MTMR8: variants seen among roughly 807,000 people sequenced by gnomAD.
MTMR8 encodes the protein myotubularin related protein 8, also known as phosphatidylinositol-3,5-bisphosphate 3-phosphatase MTMR8.
In MTMR8, 65 loss-of-function variants were observed where a neutral mutation model predicts 39.3. The observed-to-expected ratio is 1.65, with a 90% CI of 1.35 to 2.03. MTMR8 has a LOEUF of 2.03. Ranked by LOEUF, MTMR8 falls within the 30% of genes most tolerant of loss-of-function variation. The pLI, the probability that MTMR8 is intolerant of heterozygous loss-of-function variation, is 0.00. For missense variants in MTMR8, 777 were observed against 538.9 expected (o/e 1.44, Z -4.37); for synonymous variants, 245 against 185.2 (o/e 1.32, Z -2.62).
intron 12 of MTMR8, among the ~76,000 whole-genome samples, chrX:64,279,229 C>T (rs1404179099): frequency 1.8e-5 from 2 of 112,187 alleles, no homozygotes; most frequent in African/African-American, 6.5e-5. Context: ...GGAGGGCATG[C>T]TTCCAAACTC....
Position 64,395,434 on chromosome X carries a change from C to T in MTMR8, c.-71G>A. The T allele has an allele frequency of 9.0e-7, 1 of 1,115,958 alleles. No homozygotes were observed. Among genetic ancestry groups the T allele is most frequent in the Non-Finnish European group, 1.2e-6 (1 of 814,362 alleles). The allele number at this position is 1,115,958 out of a possible 1,213,427, so 92.0% of individuals were successfully genotyped here. On this transcript the variant is annotated 5_prime_UTR_variant, in exon 1 of 14. Coordinates refer to ENST00000374852, the MANE Select transcript of MTMR8 (RefSeq NM_017677.4). Reference sequence around the variant, plus strand: ...CCGCCGCCACCGGTCTAGCCGCCTCCTGCCTCAACCCGGGTTTCTACCCCC... The same window carrying T: ...CCGCCGCCACCGGTCTAGCCGCCTCTTGCCTCAACCCGGGTTTCTACCCCC...
In MTMR8 at chrX:64,348,748, C is replaced by T. The variant is rs1015018626; in HGVS notation, c.644G>A (p.Arg215His). ...CSQPLSGFYT[R>H]CVDDELLLEA... ...CAACAAGAGCTCATCATCTACACAG[C>T]GAGTGTAAAATCCAGAGAGAGGCTG... is the stretch of plus-strand genomic sequence containing the variant. The change falls in exon 6 of 14, where the codon CGC (arginine) becomes CAC (histidine). Residue 215 changes from arginine (R) to histidine (H), a missense_variant. By Grantham distance (29) the Arg-to-His change is conservative. Transcript: ENST00000374852. 13 of 1,210,453 alleles carry T rather than the reference C, an allele frequency of 1.1e-5. No homozygotes were observed. The highest frequency in any genetic ancestry group is 1.8e-5 in the South Asian group (1 of 56,890).
chrX:64,318,708 GTTT>G (rs1209006743), intron 12 of MTMR8, among the ~76,000 whole-genome samples: 2 of 82,401 alleles, frequency 2.4e-5, no homozygotes, highest in South Asian at 5.7e-4. Flanking sequence ...TTGGTTTTTT[GTTT>G]TTTTTTTTTT....
At chrX:64,341,329 A>C (rs187694719) in intron 8 of MTMR8, among the ~76,000 whole-genome samples, 1 of 110,366 alleles carries the variant, frequency 9.1e-6, no homozygotes, top group African/African-American at 3.3e-5. Context: ...AAATACAAAA[A>C]TTAGTCAGGC....
Position 64,268,959 on chromosome X carries a change from G to A in MTMR8, c.1693C>T (p.Pro565Ser), listed in dbSNP as rs760019841. Reference protein sequence around the residue: ...GNILSQHLGSPLTNPLGFMGI... With the variant: ...GNILSQHLGSSLTNPLGFMGI... ...ATAAAGCCAAGAGGATTGGTCAAAGGACTTCCCAGATGCTGGGATAATATG... is the reference window on the plus strand; with the variant it reads ...ATAAAGCCAAGAGGATTGGTCAAAGAACTTCCCAGATGCTGGGATAATATG... The change falls in exon 14 of 14, where the codon CCT becomes TCT. Residue 565 changes from proline (P) to serine (S), a missense_variant. Pro to Ser is a moderately conservative substitution (Grantham distance 74). Coordinates refer to ENST00000374852, the MANE Select transcript of MTMR8 (RefSeq NM_017677.4). 3.9e-5 allele frequency: 47 copies of A among 1,209,664 alleles called. No individual in the cohort carries two copies. Among genetic ancestry groups the A allele is most frequent in the Non-Finnish European group, 4.9e-5 (44 of 894,953 alleles).
chrX:64,350,011 C>T lies in MTMR8; in HGVS notation c.528G>A (p.Val176=). ...TACTTCTGAACTTTGAACTTCCAACCACCGTTCCCAAGGTAACAGATTTAG... is the reference window on the plus strand; with the variant it reads ...TACTTCTGAACTTTGAACTTCCAACTACCGTTCCCAAGGTAACAGATTTAG... ...VVPKSVTLGT[V]VGSSKFRSKE... Residue 176 remains valine, a synonymous_variant, in exon 5 of 14, where the codon GTG becomes GTA. Transcript: ENST00000374852. The T allele has an allele frequency of 2.5e-6, 3 of 1,195,461 alleles. No individual in the cohort carries two copies. The highest frequency in any genetic ancestry group is 3.4e-6 in the Non-Finnish European group (3 of 886,080).
At chrX:64,286,841 C>G (rs1921197462) in intron 12 of MTMR8, among the ~76,000 whole-genome samples, 1 of 111,296 alleles carries the variant, frequency 9.0e-6, no homozygotes, top group Non-Finnish European at 1.9e-5. Context: ...TTATGACAAA[C>G]CCACAGCCAA....
intron 12 of MTMR8, among the ~76,000 whole-genome samples, chrX:64,272,456 G>A (rs1250824065): frequency 9.0e-6 from 1 of 110,721 alleles, no homozygotes; most frequent in African/African-American, 3.3e-5. Context: ...CTCAAACACA[G>A]ATTATTTGTC....
At chrX:64,341,688 A>C (rs1342714394) in intron 8 of MTMR8, among the ~76,000 whole-genome samples, 1 of 111,179 alleles carries the variant, frequency 9.0e-6, no homozygotes, top group African/African-American at 3.3e-5. Context: ...GCCACATTTC[A>C]AGTGCTCAAT....
rs1366705509 is a variant in MTMR8, at chrX:64,348,793, G to A, written c.599C>T (p.Ala200Val). ...AGGCTGGCTACAGCGGCAAATGGCA[G>A]CCTGTAAGGAAAAGGTGTGTCAGTT... Reference protein sequence around the residue: ...VLSYLYKENNAAICRCSQPLS... With the variant: ...VLSYLYKENNVAICRCSQPLS... The change falls in exon 6 of 14, where the codon GCT (alanine) becomes GTT (valine). Residue 200 changes from alanine (A) to valine (V), a missense_variant and splice_region_variant. Transcript: ENST00000374852. 1 of 1,210,181 alleles carries A rather than the reference G, an allele frequency of 8.3e-7. No homozygotes were observed. Among genetic ancestry groups the A allele is most frequent in the Admixed American group, 2.2e-5 (1 of 45,895 alleles).
rs1353698891 is a variant in MTMR8, at chrX:64,304,915, CAT to C, written c.1481+23855_1481+23856del. 4.9e-3 allele frequency: 219 copies of C among 45,096 alleles called. 1 individual carries two copies. Among genetic ancestry groups the C allele is most frequent in the African/African-American group, 0.011 (191 of 17,871 alleles). The allele number at this position is 45,096 out of a possible 1,213,427, so 3.7% of individuals were successfully genotyped here. A position where few individuals can be genotyped will look rare whatever the true frequency, so the allele number is the denominator to read the frequency against. ...ATATATATATATATATATACACATACATATATATATACACATATACACACATA... is the reference window on the plus strand; with the variant it reads ...ATATATATATATATATATACACATACATATATATACACATATACACACATA... On this transcript the variant is annotated intron_variant, in intron 12 of 13. Transcript: ENST00000374852.
At chrX:64,326,470 G>A (rs764095602) in intron 12 of MTMR8, among the ~76,000 whole-genome samples, 31 of 111,488 alleles carry the variant, frequency 2.8e-4, no homozygotes, top group Non-Finnish European at 4.9e-4. Flanking sequence ...CATATACTTA[G>A]GGATAAGTTT....
At chrX:64,294,069 A>C (rs1483050394) in intron 12 of MTMR8, among the ~76,000 whole-genome samples, 4 of 111,725 alleles carry the variant, frequency 3.6e-5, no homozygotes, top group Admixed American at 2.9e-4. Flanking sequence ...AGCTTATTTA[A>C]ATAACGTGTA....
intron 1 of MTMR8, among the ~76,000 whole-genome samples, chrX:64,382,786 A>T (rs1924462600): frequency 9.0e-6 from 1 of 111,592 alleles, no homozygotes; most frequent in Non-Finnish European, 1.9e-5. Context: ...ATTATTTTTA[A>T]AAACAACAAC....
chrX:64,286,970 A>G (rs1165131895), intron 12 of MTMR8, among the ~76,000 whole-genome samples: 3 of 111,523 alleles, frequency 2.7e-5, no homozygotes, highest in African/African-American at 9.8e-5. Context: ...CAGGGCAATC[A>G]GGCAGAAGAA....
intron 1 of MTMR8, among the ~76,000 whole-genome samples, chrX:64,383,312 A>C (rs181715985): frequency 2.7e-5 from 3 of 109,835 alleles, no homozygotes; most frequent in African/African-American, 6.6e-5. Flanking sequence ...AGATATATAG[A>C]TAGATATAGC....
At chrX:64,327,360 C>T (rs1256293764) in intron 12 of MTMR8, among the ~76,000 whole-genome samples, 1 of 111,346 alleles carries the variant, frequency 9.0e-6, no homozygotes, top group African/African-American at 3.3e-5. Context: ...GATTTTAGAA[C>T]GGGCAAAAGA....
chrX:64,352,598 C>G (rs1323755423), intron 4 of MTMR8, among the ~76,000 whole-genome samples: 2 of 111,565 alleles, frequency 1.8e-5, no homozygotes, highest in African/African-American at 6.5e-5. Context: ...TGCCCCTCTT[C>G]TTGTGGTCCT....
At position 64,354,943 on chromosome X, in the gene MTMR8, G is replaced by A. The variant is rs767657446; in HGVS notation, c.311-9C>T. On this transcript the variant is annotated splice_polypyrimidine_tract_variant and intron_variant, in intron 3 of 13. Coordinates refer to ENST00000374852, the MANE Select transcript of MTMR8 (RefSeq NM_017677.4). ...AAGATCTTCAGGTAATGCTGGAGAA[G>A]AGAGATAGGCATGGAAAACAAAATG... 3.4e-6 allele frequency: 4 copies of A among 1,170,677 alleles called. No individual in the cohort carries two copies. The African/African-American group carries it at 7.2e-5, about 21-fold the overall frequency.
Sources: gnomAD v4.1 joint callset for allele counts (sites outside exome capture counted in the v4.1 genomes callset) on GRCh38, gnomAD v4.1.1 for gene constraint, MANE v1.5 for transcripts, NCBI Gene and HGNC (gene_info 2026-07-23, HGNC 2026-07-21) for gene names.